Variants in C10orf90 observed in about 807,000 individuals in gnomAD.
C10orf90 encodes the protein (E2-independent) E3 ubiquitin-conjugating enzyme FATS.
In C10orf90, 56 loss-of-function variants were observed where a neutral mutation model predicts 62.5. That is an observed-to-expected ratio of 0.90 (90% confidence interval 0.72 to 1.12). C10orf90 has a LOEUF of 1.12. C10orf90 is among the 50% of genes most tolerant of loss of function. C10orf90 has a pLI of 0.00. For missense variants in C10orf90, 970 were observed against 880.4 expected, an observed-to-expected ratio of 1.10 and a Z score of -1.29; for synonymous variants, 386 against 340.4, an observed-to-expected ratio of 1.13 and a Z score of -1.47.
At chr10:126,448,213 G>C (rs1456889383) in intron 7 of C10orf90, among the ~76,000 whole-genome samples, 2 of 151,622 alleles carry the variant, frequency 1.3e-5, no homozygotes, top group East Asian at 1.9e-4. Context: ...TGAAACTACA[G>C]TAACAGGAGG....
chr10:126,666,085 AG>A (rs1379300570), intron 1 of C10orf90, among the ~76,000 whole-genome samples: 1 of 152,178 alleles, frequency 6.6e-6, no homozygotes, highest in Non-Finnish European at 1.5e-5. Context: ...AGCCCACATC[AG>A]GGTTTCTAGG....
intron 2 of C10orf90, among the ~76,000 whole-genome samples, chr10:126,643,804 T>G (rs377698170): frequency 2.0e-5 from 3 of 152,350 alleles, no homozygotes; most frequent in African/African-American, 4.8e-5. Context: ...CTGAGAGGGC[T>G]AAGAAAGACT....
intron 6 of C10orf90, among the ~76,000 whole-genome samples, chr10:126,461,036 A>C (rs1859939267): frequency 6.6e-6 from 1 of 152,138 alleles, no homozygotes; most frequent in East Asian, 1.9e-4. Flanking sequence ...TCCTCATCTG[A>C]AGACACTGAG....
chr10:126,593,193 C>A (rs980105358), intron 2 of C10orf90, among the ~76,000 whole-genome samples: 1 of 151,940 alleles, frequency 6.6e-6, no homozygotes, highest in African/African-American at 2.4e-5. Context: ...TGGATATATA[C>A]CAAAAGGAAT....
chr10:126,509,195 C>T (rs1780895474), intron 3 of C10orf90, among the ~76,000 whole-genome samples: 1 of 152,180 alleles, frequency 6.6e-6, no homozygotes, highest in Non-Finnish European at 1.5e-5. Context: ...ATGGCATGAA[C>T]TTCAACTTAT....
intron 2 of C10orf90, among the ~76,000 whole-genome samples, chr10:126,537,388 T>A (rs180810351): frequency 6.6e-6 from 1 of 152,328 alleles, no homozygotes; most frequent in East Asian, 1.9e-4. Flanking sequence ...GAGAAAGCTA[T>A]TGCCTAGCAA....
At chr10:126,603,286 C>G (rs766494603) in intron 2 of C10orf90, among the ~76,000 whole-genome samples, 26 of 152,266 alleles carry the variant, frequency 1.7e-4, no homozygotes, top group South Asian at 6.2e-4. Flanking sequence ...ACATGTCCTT[C>G]TTCACGTGGC....
intron 2 of C10orf90, among the ~76,000 whole-genome samples, chr10:126,550,800 G>A (rs777615751): frequency 5.9e-5 from 9 of 152,262 alleles, no homozygotes; most frequent in Middle Eastern, 3.4e-3. Context: ...ATGAGTCACC[G>A]TGCCTGACCT....
chr10:126,621,304 G>C (rs1285552948), intron 2 of C10orf90, among the ~76,000 whole-genome samples: 1 of 152,176 alleles, frequency 6.6e-6, no homozygotes, highest in Non-Finnish European at 1.5e-5. Flanking sequence ...GTGTTTCCTA[G>C]TTACATCTCC....
intron 2 of C10orf90, chr10:126,521,230 T>C: frequency 6.5e-7 from 1 of 1,550,196 alleles, no homozygotes; most frequent in East Asian, 2.3e-5. Flanking sequence ...ATACTCAGCG[T>C]GGACAGAATG....
At chr10:126,447,606 T>A (rs1402551937) in intron 7 of C10orf90, among the ~76,000 whole-genome samples, 1 of 152,188 alleles carries the variant, frequency 6.6e-6, no homozygotes, top group Non-Finnish European at 1.5e-5. Context: ...TATCTCACTT[T>A]CAGCAATGAA....
intron 4 of C10orf90, among the ~76,000 whole-genome samples, chr10:126,485,239 T>C (rs1861367587): frequency 6.6e-6 from 1 of 152,178 alleles, no homozygotes. Context: ...GAAGTGGGCC[T>C]TCACCAGAAC....
intron 2 of C10orf90, among the ~76,000 whole-genome samples, chr10:126,598,482 C>A (rs1845130139): frequency 6.6e-6 from 1 of 152,068 alleles, no homozygotes; most frequent in African/African-American, 2.4e-5. Context: ...ATGTCTGGAA[C>A]AAAATCTGCC....
Position 126,532,862 on chromosome 10 carries a change from G to GAAAAAAAAAAA in C10orf90, c.314-18924_314-18923insTTTTTTTTTTT, listed in dbSNP as rs1564860259. Among the ~76,000 whole-genome samples, 3 of 22,140 alleles carry GAAAAAAAAAAA rather than the reference G, an allele frequency of 1.4e-4. 1 individual carries two copies. The highest frequency in any genetic ancestry group is 3.8e-4 in the Non-Finnish European group (3 of 7,998). The allele number at this position is 22,140 out of a possible 152,430, so 14.5% of individuals were successfully genotyped here. On this transcript the variant is annotated intron_variant, in intron 2 of 9. Transcript: ENST00000488181. The stretch of plus-strand genomic sequence containing the variant: ...CGTCTCAAAAAAAAAAAAAAATAGT[G>GAAAAAAAAAAA]AGCACAAAACAAGTGTTTTCAAAAA...
intron 2 of C10orf90, among the ~76,000 whole-genome samples, chr10:126,608,287 T>A (rs1340585590): frequency 6.6e-6 from 1 of 152,078 alleles, no homozygotes; most frequent in African/African-American, 2.4e-5. Flanking sequence ...TTTGTTTAAT[T>A]TTTTTGTAGA....
chr10:126,551,742 G>T (rs568938728), intron 2 of C10orf90, among the ~76,000 whole-genome samples: 4 of 152,294 alleles, frequency 2.6e-5, no homozygotes, highest in East Asian at 3.9e-4. Flanking sequence ...GAAACCAGTG[G>T]TTTACAGCAT....
intron 2 of C10orf90, among the ~76,000 whole-genome samples, chr10:126,602,634 C>A (rs115997853): frequency 6.6e-6 from 1 of 152,100 alleles, no homozygotes; most frequent in South Asian, 2.1e-4. Flanking sequence ...CATAACCACA[C>A]GAGTGCTTTG....
At chr10:126,440,122 T>A (rs2134019527) in intron 7 of C10orf90, among the ~76,000 whole-genome samples, 1 of 152,316 alleles carries the variant, frequency 6.6e-6, no homozygotes, top group African/African-American at 2.4e-5. Context: ...ACTAAAGCCC[T>A]TTTCTTTCAC....
intron 4 of C10orf90, among the ~76,000 whole-genome samples, chr10:126,473,196 A>G (rs1352221480): frequency 6.6e-6 from 1 of 151,876 alleles, no homozygotes; most frequent in African/African-American, 2.4e-5. Context: ...AAAGGCTCCT[A>G]CTCTCTGACT....
Sources: allele counts gnomAD v4.1 joint callset (sites outside exome capture counted in the v4.1 genomes callset), GRCh38; gene constraint gnomAD v4.1.1; transcripts MANE v1.5; gene names NCBI Gene and HGNC (gene_info 2026-07-23, HGNC 2026-07-21).